CCDC80: variants seen among roughly 807,000 people sequenced by gnomAD.
CCDC80 encodes coiled-coil domain containing 80.
A neutral mutation model predicts 78.7 loss-of-function variants in CCDC80; 49 were observed. The observed-to-expected ratio is 0.62, with a 90% CI of 0.50 to 0.79. The LOEUF (loss-of-function observed/expected upper bound fraction) is 0.79, where lower values mean the gene tolerates loss of function less well. Among genes scored for constraint, CCDC80 ranks in the 30% least tolerant of loss-of-function variants. CCDC80 has a pLI of 0.00. For missense variants in CCDC80, 1,205 were observed against 1,198.6 expected (o/e 1.01, Z -0.08); for synonymous variants, 488 against 447.0 (o/e 1.09, Z -1.16).
chr3:112,600,912 C>A lies in CCDC80; in HGVS notation c.*4505G>T, dbSNP rs1446508910. On this transcript the variant is annotated 3_prime_UTR_variant, in exon 8 of 8. Transcript: ENST00000206423. Reference sequence around the variant, plus strand: ...TAAAGAAATCCATTTTTATTGGCAACTTTGGGCTATGCTTCATCCTGGCAA... The same window carrying A: ...TAAAGAAATCCATTTTTATTGGCAAATTTGGGCTATGCTTCATCCTGGCAA... The A allele has an allele frequency of 6.6e-6, 1 of 152,172 alleles. No individual in the cohort carries two copies. Among genetic ancestry groups the A allele is most frequent in the Non-Finnish European group, 1.5e-5 (1 of 68,054 alleles). 9.4% of individuals were successfully genotyped at this position (152,172 alleles called of 1,614,324 possible). A position where few individuals can be genotyped will look rare whatever the true frequency, so the allele number is the denominator to read the frequency against.
Position 112,638,040 on chromosome 3 carries a change from T to G in CCDC80, c.1866A>C (p.Lys622Asn), listed in dbSNP as rs1936242040. ...VADLLGSFEG[K>N]RRLLLITAPK... ...GAAGGCTACTTACAAGGAGTCTTCG[T>G]TTGCCTTCAAAGGACCCCAGCAGGT... is the stretch of plus-strand genomic sequence containing the variant. Residue 622 changes from lysine to asparagine, a missense_variant, in exon 2 of 8, where the codon AAA (lysine) becomes AAC (asparagine). Transcript: ENST00000206423. The G allele has an allele frequency of 6.2e-7, 1 of 1,601,632 alleles. No homozygotes were observed. The highest frequency in any genetic ancestry group is 8.5e-7 in the Non-Finnish European group (1 of 1,176,480).
Position 112,607,215 on chromosome 3 carries a change from CTCCA to C in CCDC80, c.2463_2466del (p.Gly822ArgfsTer7). On this transcript the variant is annotated frameshift_variant, in exon 7 of 8. Transcript: ENST00000206423. LOFTEE classifies it high-confidence loss of function. ...AGTTCTAACACTCCCCCAACTTCCT[CTCCA>C]ACGCCTAAAAGCTTCAGAATGGTTA... The C allele has an allele frequency of 6.2e-7, 1 of 1,613,986 alleles. No homozygotes were observed. Among genetic ancestry groups the C allele is most frequent in the Non-Finnish European group, 8.5e-7 (1 of 1,179,916 alleles).
At chr3:112,622,084 C>T (rs1935879827) in intron 3 of CCDC80, among the ~76,000 whole-genome samples, 1 of 152,170 alleles carries the variant, frequency 6.6e-6, no homozygotes, top group Non-Finnish European at 1.5e-5. Flanking sequence ...GGTTAGGACT[C>T]AGGTGACATT....
chr3:112,604,823 G>A lies in CCDC80; in HGVS notation c.*594C>T, dbSNP rs1189756991. ...AATAACAGAAGCAGGGCAGGAAGTG[G>A]CTATGATAACAAAGCTGGGCTTGGT... On this transcript the variant is annotated 3_prime_UTR_variant, in exon 8 of 8. Coordinates refer to ENST00000206423, the MANE Select transcript of CCDC80 (RefSeq NM_199511.3). The A allele has an allele frequency of 1.3e-5, 2 of 152,202 alleles. No homozygotes were observed. Among genetic ancestry groups the A allele is most frequent in the African/African-American group, 4.8e-5 (2 of 41,438 alleles). The allele number at this position is 152,202 out of a possible 1,614,324, so 9.4% of individuals were successfully genotyped here. A position where few individuals can be genotyped will look rare whatever the true frequency, so the allele number is the denominator to read the frequency against.
chr3:112,614,670 G>A (rs1576783432), intron 5 of CCDC80, among the ~76,000 whole-genome samples: 2 of 152,102 alleles, frequency 1.3e-5, no homozygotes, highest in East Asian at 1.9e-4. Flanking sequence ...GATGAAGGAA[G>A]AGCCTTGGGT....
intron 5 of CCDC80, among the ~76,000 whole-genome samples, chr3:112,612,025 C>T (rs1032384264): frequency 1.8e-4 from 26 of 147,876 alleles, no homozygotes; most frequent in Admixed American, 4.1e-4. Flanking sequence ...TGTGACATTA[C>T]ATTCACTTCC....
rs760498496 is a variant in CCDC80 at position 112,639,633 on chromosome 3, C to T, written c.273G>A (p.Pro91=). Residue 91 remains proline, a synonymous_variant, in exon 2 of 8, where the codon CCG becomes CCA. Transcript: ENST00000206423. ...CCCCATTGATGTCCGAGCGGGCTGGCGGCTCTGTTGGGCGAGCTAGTCTCA... is the reference window on the plus strand; with the variant it reads ...CCCCATTGATGTCCGAGCGGGCTGGTGGCTCTGTTGGGCGAGCTAGTCTCA... ...PVLRLARPTE[P]PARSDINGAA... 3.1e-6 allele frequency: 5 copies of T among 1,613,930 alleles called. No individual in the cohort carries two copies. In the African/African-American group the frequency reaches 5.3e-5, roughly 17 times the overall value.
chr3:112,619,834 G>A (rs929451952), intron 3 of CCDC80, among the ~76,000 whole-genome samples: 2 of 152,090 alleles, frequency 1.3e-5, no homozygotes, highest in Non-Finnish European at 2.9e-5. Flanking sequence ...AGATACTAGT[G>A]GCTTTACATG....
intron 2 of CCDC80, 103 bp from the exon 3 acceptor site, chr3:112,630,372 C>T: frequency 9.2e-7 from 1 of 1,087,118 alleles, no homozygotes; most frequent in Non-Finnish European, 1.4e-6. Context: ...GTAGTGACTG[C>T]ATCTAAGCTA....
In CCDC80 at chr3:112,638,836, G is replaced by A; in HGVS notation, c.1070C>T (p.Pro357Leu). The change falls in exon 2 of 8, where the codon CCA (proline) becomes CTA (leucine). Residue 357 changes from proline (P) to leucine (L), a missense_variant. Physicochemically the swap from Pro to Leu is moderately conservative, Grantham distance 98. Transcript: ENST00000206423. ...CGTGGACCGAGTCACTGTTGTGGCT[G>A]GGGCAGGAGGAAGGGTGGTGGCTCT... ...TPRATTLPPA[P>L]ATTVTRSTSR... The A allele has an allele frequency of 6.2e-7, 1 of 1,613,824 alleles. No homozygotes were observed. The highest frequency in any genetic ancestry group is 8.5e-7 in the Non-Finnish European group (1 of 1,180,006).
chr3:112,611,342 C>T (rs927409954), intron 5 of CCDC80, among the ~76,000 whole-genome samples: 5 of 152,192 alleles, frequency 3.3e-5, no homozygotes, highest in Non-Finnish European at 5.9e-5. Flanking sequence ...TCTTAATCTG[C>T]AGGCTTCTGG....
chr3:112,614,481 T>A (rs1288621437), intron 5 of CCDC80, among the ~76,000 whole-genome samples: 1 of 152,070 alleles, frequency 6.6e-6, no homozygotes, highest in Non-Finnish European at 1.5e-5. Context: ...GGAGTGATGA[T>A]CTTGGATCAG....
rs1936296161 is a variant in CCDC80, at chr3:112,639,535, G to A, written c.371C>T (p.Ser124Leu). 1 of 1,614,216 alleles carries A rather than the reference G, an allele frequency of 6.2e-7. No homozygotes were observed. The highest frequency in any genetic ancestry group is 1.3e-5 in the African/African-American group (1 of 75,048). The change falls in exon 2 of 8, where the codon TCA (serine) becomes TTA (leucine). Residue 124 changes from serine to leucine, a missense_variant. Coordinates refer to ENST00000206423, the MANE Select transcript of CCDC80 (RefSeq NM_199511.3). ...PREMIRDEGS[S>L]ARSRMLRFPS... ...GAAACGCAACATTCTTGACCGAGCT[G>A]AGGACCCCTCATCTCTGATCATCTC... is the stretch of plus-strand genomic sequence containing the variant.
intron 3 of CCDC80, among the ~76,000 whole-genome samples, chr3:112,622,392 G>T (rs1935884237): frequency 6.6e-6 from 1 of 152,174 alleles, no homozygotes; most frequent in Admixed American, 6.5e-5. Flanking sequence ...AGACTAGGGT[G>T]GTGGCAACTC....
rs983958766 is a variant in CCDC80 at position 112,600,920 on chromosome 3, T to A, written c.*4497A>T. ...TCCATTTTTATTGGCAACTTTGGGC[T>A]ATGCTTCATCCTGGCAAAAATTTAA... On this transcript the variant is annotated 3_prime_UTR_variant, in exon 8 of 8. Coordinates refer to ENST00000206423, the MANE Select transcript of CCDC80 (RefSeq NM_199511.3). The A allele has an allele frequency of 1.3e-5, 2 of 152,220 alleles. No homozygotes were observed. Among genetic ancestry groups the A allele is most frequent in the Non-Finnish European group, 2.9e-5 (2 of 68,042 alleles). The allele number at this position is 152,220 out of a possible 1,614,324, so 9.4% of individuals were successfully genotyped here.
chr3:112,638,898 G>C lies in CCDC80; in HGVS notation c.1008C>G (p.Ala336=). Residue 336 remains alanine (A), a synonymous_variant, in exon 2 of 8, where the codon GCC becomes GCG. Coordinates refer to ENST00000206423, the MANE Select transcript of CCDC80 (RefSeq NM_199511.3). Reference sequence around the variant, plus strand: ...GAGGTTGGGGCAAAGCTGGTGCAGTGGCGGCCAGTTTTCTCAGGACCTTCA... The same window carrying C: ...GAGGTTGGGGCAAAGCTGGTGCAGTCGCGGCCAGTTTTCTCAGGACCTTCA... The part of the protein sequence containing the change: ...SRVKVLRKLA[A]TAPALPQPPS... The C allele has an allele frequency of 6.2e-7, 1 of 1,613,468 alleles. No homozygotes were observed. Among genetic ancestry groups the C allele is most frequent in the Non-Finnish European group, 8.5e-7 (1 of 1,179,990 alleles).
chr3:112,638,121 G>A lies in CCDC80; in HGVS notation c.1785C>T (p.Gly595=). The change falls in exon 2 of 8, where the codon GGC becomes GGT. Residue 595 remains glycine, a synonymous_variant. Transcript: ENST00000206423. ...KKKGGKTEQD[G]YQKPTNKHFT... ...AGTGTTTGTTGGTGGGTTTCTGATA[G>A]CCATCCTGTTCTGTTTTACCTCCTT... The A allele has an allele frequency of 1.2e-6, 2 of 1,614,124 alleles. No homozygotes were observed. Among genetic ancestry groups the A allele is most frequent in the African/African-American group, 1.3e-5 (1 of 75,018 alleles).
rs949339632 is a variant in CCDC80, at chr3:112,600,955, A to T, written c.*4462T>A. 6.6e-6 allele frequency: 1 copy of T among 152,184 alleles called. No individual in the cohort carries two copies. The highest frequency in any genetic ancestry group is 1.5e-5 in the Non-Finnish European group (1 of 68,024). 9.4% of individuals were successfully genotyped at this position (152,184 alleles called of 1,614,324 possible). Reference sequence around the variant, plus strand: ...CCTGGCAAAAATTTAAAAGCAGTACACTTCGACGTGGCTCACTTTCCTGCA... The same window carrying T: ...CCTGGCAAAAATTTAAAAGCAGTACTCTTCGACGTGGCTCACTTTCCTGCA... On this transcript the variant is annotated 3_prime_UTR_variant, in exon 8 of 8. Coordinates refer to ENST00000206423, the MANE Select transcript of CCDC80 (RefSeq NM_199511.3).
chr3:112,602,820 AGCT>A lies in CCDC80; in HGVS notation c.*2594_*2596del, dbSNP rs1470152650. 2.0e-5 allele frequency: 3 copies of A among 152,258 alleles called. No homozygotes were observed. Among genetic ancestry groups the A allele is most frequent in the Non-Finnish European group, 4.4e-5 (3 of 68,060 alleles). 9.4% of individuals were successfully genotyped at this position (152,258 alleles called of 1,614,324 possible). A position where few individuals can be genotyped will look rare whatever the true frequency, so the allele number is the denominator to read the frequency against. On this transcript the variant is annotated 3_prime_UTR_variant, in exon 8 of 8. Transcript: ENST00000206423. ...GTAAAGCAGCAAATGTTGATGTAGA[AGCT>A]GCAGTAAGTTATCCAGAAGATCTAG...
Sources: allele counts gnomAD v4.1 joint callset (sites outside exome capture counted in the v4.1 genomes callset), GRCh38; gene constraint gnomAD v4.1.1; transcripts MANE v1.5; gene names NCBI Gene and HGNC (gene_info 2026-07-23, HGNC 2026-07-21).